Variants in CPAP observed in about 807,000 individuals in gnomAD.
CPAP encodes the protein centrosome assembly and centriole elongation protein, also known as centrosomal P4.1-associated protein.
the CPAP span, chr13:24,883,020 A>G: frequency 7.6e-6 from 5 of 659,266 alleles, no homozygotes; most frequent in Non-Finnish European, 1.3e-5. Flanking sequence ...TTGCATTTCA[A>G]AGAATATAAA....
At chr13:24,883,954 T>G in the CPAP span, 1 of 1,614,018 alleles carries the variant, frequency 6.2e-7, no homozygotes, top group Non-Finnish European at 8.5e-7. Context: ...GAACATAATG[T>G]TGCCATACCG....
At chr13:24,905,323 T>C in the CPAP span, 2 of 1,603,802 alleles carry the variant, frequency 1.2e-6, no homozygotes, top group East Asian at 2.2e-5. Context: ...TTCTGATACA[T>C]ATTTTATAAT....
the CPAP span, among the ~76,000 whole-genome samples, chr13:24,893,567 C>T: frequency 6.6e-6 from 1 of 152,160 alleles, no homozygotes; most frequent in Non-Finnish European, 1.5e-5. Flanking sequence ...ACATCTGGGC[C>T]CCACCACAGA....
At chr13:24,920,347 G>A in the CPAP span, among the ~76,000 whole-genome samples, 5 of 152,320 alleles carry the variant, frequency 3.3e-5, no homozygotes, top group African/African-American at 9.6e-5. Context: ...TAATGATACT[G>A]TGTTTTTGCC....
At chr13:24,894,838 G>A in the CPAP span, among the ~76,000 whole-genome samples, 3 of 152,184 alleles carry the variant, frequency 2.0e-5, no homozygotes, top group Non-Finnish European at 4.4e-5. Context: ...CCCTGGGGAT[G>A]GGGGAGAGGA....
chr13:24,909,909 T>C, the CPAP span: 22 of 1,614,208 alleles, frequency 1.4e-5, no homozygotes, highest in Non-Finnish European at 1.8e-5. Flanking sequence ...AAAATCTCCA[T>C]GAGCAGTTCT....
At chr13:24,909,387 G>A in the CPAP span, among the ~76,000 whole-genome samples, 2 of 152,044 alleles carry the variant, frequency 1.3e-5, no homozygotes, top group African/African-American at 4.8e-5. Flanking sequence ...AATTATCTGG[G>A]CATGGTGGCA....
chr13:24,897,613 A>T, the CPAP span, among the ~76,000 whole-genome samples: 1 of 152,348 alleles, frequency 6.6e-6, no homozygotes, highest in South Asian at 2.1e-4. Flanking sequence ...AATTCTATAC[A>T]ATAATAAAAC....
the CPAP span, among the ~76,000 whole-genome samples, chr13:24,896,875 G>A: frequency 3.3e-5 from 5 of 152,072 alleles, no homozygotes; most frequent in Non-Finnish European, 1.5e-5. Flanking sequence ...TTTAGGCTAT[G>A]GTTTTTAATT....
At chr13:24,898,536 TA>T in the CPAP span, among the ~76,000 whole-genome samples, 3 of 152,178 alleles carry the variant, frequency 2.0e-5, no homozygotes, top group Non-Finnish European at 4.4e-5. Context: ...CCTTTTGAAA[TA>T]AAAGTTTTAA....
chr13:24,903,899 T>C, the CPAP span: 18 of 1,613,094 alleles, frequency 1.1e-5, no homozygotes, highest in Non-Finnish European at 1.5e-5. Context: ...CTGCATATTT[T>C]TTCCCAACTT....
chr13:24,885,549 A>G, the CPAP span: 3 of 1,364,226 alleles, frequency 2.2e-6, no homozygotes, highest in Non-Finnish European at 3.1e-6. Flanking sequence ...CTATTAACAA[A>G]TTGATTTCAA....
chr13:24,883,133 CAT>C, the CPAP span: 276 of 1,491,450 alleles, frequency 1.9e-4, 2 homozygotes, highest in East Asian at 5.4e-3. Flanking sequence ...CATTTTTTAA[CAT>C]AAAAAGTCAG....
At chr13:24,923,264 C>A in the CPAP span, among the ~76,000 whole-genome samples, 1 of 150,584 alleles carries the variant, frequency 6.6e-6, no homozygotes, top group Non-Finnish European at 1.5e-5. Context: ...TTTCTATTTG[C>A]GTACGGTCTA....
At chr13:24,913,078 T>C in the CPAP span, 46 of 1,526,592 alleles carry the variant, frequency 3.0e-5, no homozygotes, top group Admixed American at 4.4e-4. Context: ...AGAAGAGCTA[T>C]TGATTTCCAA....
At chr13:24,906,468 C>T in the CPAP span, 1 of 1,614,214 alleles carries the variant, frequency 6.2e-7, no homozygotes, top group Non-Finnish European at 8.5e-7. Context: ...GGAAGTCTGT[C>T]TTTACCTTGT....
the CPAP span, among the ~76,000 whole-genome samples, chr13:24,910,503 G>A: frequency 6.6e-6 from 1 of 152,206 alleles, no homozygotes; most frequent in African/African-American, 2.4e-5. Flanking sequence ...GGGATTACAG[G>A]TGTGAGCCAC....
At chr13:24,926,662 TC>T in the CPAP span, among the ~76,000 whole-genome samples, 69 of 152,022 alleles carry the variant, frequency 4.5e-4, 3 homozygotes, top group South Asian at 0.01. Context: ...CTGAGCCCCC[TC>T]CTCCAATAAA....
the CPAP span, among the ~76,000 whole-genome samples, chr13:24,931,427 T>C: frequency 6.6e-6 from 1 of 151,848 alleles, no homozygotes; most frequent in Non-Finnish European, 1.5e-5. Flanking sequence ...TGTTGTTTCT[T>C]AGACAACACT....
Sources: allele counts gnomAD v4.1 joint callset (sites outside exome capture counted in the v4.1 genomes callset), GRCh38; gene constraint gnomAD v4.1.1; transcripts MANE v1.5; gene names NCBI Gene and HGNC (gene_info 2026-07-23, HGNC 2026-07-21).